The following TMTC3 variants were observed in gnomAD, a reference collection of about 807,000 sequenced individuals.
The protein encoded by TMTC3 is transmembrane O-mannosyltransferase targeting cadherins 3.
TMTC3 carries 52 observed loss-of-function variants against 92.2 expected under a neutral mutation model. The observed-to-expected ratio is 0.56, with a 90% CI of 0.45 to 0.71. The LOEUF (loss-of-function observed/expected upper bound fraction) is 0.71. Ranked by LOEUF, TMTC3 falls within the 30% of genes least tolerant of loss-of-function variation. TMTC3 has a pLI of 0.00. For missense variants in TMTC3, 896 were observed against 1,057.1 expected, an observed-to-expected ratio of 0.85 and a Z score of 2.11; for synonymous variants, 339 against 363.3, an observed-to-expected ratio of 0.93 and a Z score of 0.76.
In TMTC3 at chr12:88,174,692, G is replaced by T; in HGVS notation, c.1285G>T (p.Glu429Ter). 6.2e-7 allele frequency: 1 copy of T among 1,612,540 alleles called. No individual in the cohort carries two copies. Among genetic ancestry groups the T allele is most frequent in the Non-Finnish European group, 8.5e-7 (1 of 1,179,036 alleles). ...AACATTCCACAGAAATTGGGATTGG[G>T]AGTCTGAATATACATTGTTTATGTC... ...LKTFHRNWDW[E>*]SEYTLFMSAL... Residue 429 changes from glutamate to a stop codon, truncating the protein, a stop_gained, in exon 9 of 14, where the codon GAG (glutamate) becomes TAG (stop). Coordinates refer to ENST00000266712, the MANE Select transcript of TMTC3 (RefSeq NM_181783.4). LOFTEE classifies it high-confidence loss of function.
intron 13 of TMTC3, 45 bp from the exon 14 acceptor site, chr12:88,194,789 TTTAA>T (rs1340199900): frequency 8.2e-7 from 1 of 1,218,868 alleles, no homozygotes; most frequent in East Asian, 2.7e-5. Context: ...GTTCCTCACA[TTTAA>T]TTATTTTATT....
Position 88,194,822 on chromosome 12 carries a change from TA to T in TMTC3, c.1934-9del, listed in dbSNP as rs753000970. On this transcript the variant is annotated splice_polypyrimidine_tract_variant and intron_variant, in intron 13 of 13. Transcript: ENST00000266712. The stretch of plus-strand genomic sequence containing the variant: ...TTTTATTAACAATATATTTTTTCTT[TA>T]AAAAAACTTTCTAGGTGAGGTTAAA... 1.0e-5 allele frequency: 15 copies of T among 1,481,872 alleles called. No individual in the cohort carries two copies. The highest frequency in any genetic ancestry group is 1.3e-5 in the Non-Finnish European group (15 of 1,115,202). The allele number at this position is 1,481,872 out of a possible 1,614,324, so 91.8% of individuals were successfully genotyped here. A position where few individuals can be genotyped will look rare whatever the true frequency, so the allele number is the denominator to read the frequency against.
intron 10 of TMTC3, among the ~76,000 whole-genome samples, chr12:88,180,509 G>C (rs1048626703): frequency 3.9e-5 from 6 of 152,244 alleles, no homozygotes; most frequent in Admixed American, 6.5e-5. Context: ...ATGTACAACA[G>C]AAAGCATAGT....
At chr12:88,143,889 T>C (rs749338228) in intron 1 of TMTC3, among the ~76,000 whole-genome samples, 17 of 152,170 alleles carry the variant, frequency 1.1e-4, no homozygotes, top group Non-Finnish European at 2.4e-4. Flanking sequence ...ATGAGTTTTC[T>C]GGGAAGAGGG....
At chr12:88,164,961 TAG>T (rs2041127556) in intron 6 of TMTC3, among the ~76,000 whole-genome samples, 1 of 152,158 alleles carries the variant, frequency 6.6e-6, no homozygotes, top group African/African-American at 2.4e-5. Context: ...GTATTGGAAA[TAG>T]AGAAGATTGA....
rs577302897 is a variant in TMTC3, at chr12:88,146,652, A to G, written c.-28-1636A>G. ...ATATATATGTATATATATGTAAAAT[A>G]AAGATATATTGAAGAATTGAATTAT... On this transcript the variant is annotated intron_variant, in intron 1 of 13. Transcript: ENST00000266712. Among the ~76,000 whole-genome samples the G allele has an allele frequency of 2.8e-3, 424 of 149,812 alleles. 2 individuals are homozygous for G. Among genetic ancestry groups the G allele is most frequent in the Non-Finnish European group, 4.7e-3 (319 of 67,484 alleles).
At chr12:88,148,756 T>C (rs2040906326) in intron 2 of TMTC3, among the ~76,000 whole-genome samples, 2 of 152,050 alleles carry the variant, frequency 1.3e-5, no homozygotes, top group South Asian at 4.1e-4. Flanking sequence ...TAACTTTTAT[T>C]TTAGATACAG....
intron 10 of TMTC3, among the ~76,000 whole-genome samples, chr12:88,177,394 A>G (rs1042092672): frequency 6.6e-5 from 10 of 152,196 alleles, no homozygotes; most frequent in Admixed American, 4.6e-4. Flanking sequence ...TGGCATAGAC[A>G]TGGAAAATTC....
Position 88,199,603 on chromosome 12 carries a change from C to T in TMTC3, c.*3954C>T, listed in dbSNP as rs1213791334. The T allele has an allele frequency of 1.3e-5, 2 of 152,052 alleles. No homozygotes were observed. The highest frequency in any genetic ancestry group is 1.3e-4 in the Admixed American group (2 of 15,258). The allele number at this position is 152,052 out of a possible 1,614,324, so 9.4% of individuals were successfully genotyped here. ...CCTTTGCTATCTATGCTAACAAGTACATAGATAGCCTAAGATAAATTATAC... is the reference window on the plus strand; with the variant it reads ...CCTTTGCTATCTATGCTAACAAGTATATAGATAGCCTAAGATAAATTATAC... On this transcript the variant is annotated 3_prime_UTR_variant, in exon 14 of 14. Coordinates refer to ENST00000266712, the MANE Select transcript of TMTC3 (RefSeq NM_181783.4).
intron 10 of TMTC3, among the ~76,000 whole-genome samples, chr12:88,180,819 C>T (rs1176475634): frequency 6.6e-6 from 1 of 152,172 alleles, no homozygotes; most frequent in African/African-American, 2.4e-5. Context: ...TGGACCACAC[C>T]ATACATTACT....
chr12:88,166,799 A>G (rs904843161), intron 7 of TMTC3, among the ~76,000 whole-genome samples: 3 of 152,202 alleles, frequency 2.0e-5, no homozygotes, highest in Non-Finnish European at 4.4e-5. Context: ...TGTTACCTTT[A>G]TCCAACTAGA....
chr12:88,176,735 A>T (rs1445181732), intron 10 of TMTC3, among the ~76,000 whole-genome samples: 2 of 152,174 alleles, frequency 1.3e-5, no homozygotes, highest in East Asian at 3.9e-4. Context: ...TGATCACATG[A>T]TTATACCACT....
At chr12:88,165,104 T>TTA (rs1309278085) in intron 6 of TMTC3, among the ~76,000 whole-genome samples, 1 of 152,254 alleles carries the variant, frequency 6.6e-6, no homozygotes, top group East Asian at 1.9e-4. Flanking sequence ...AGGTGTGAAT[T>TTA]TATGTATGTG....
Position 88,196,872 on chromosome 12 carries a change from A to G in TMTC3, c.*1223A>G, listed in dbSNP as rs2041519623. The G allele has an allele frequency of 6.6e-6, 1 of 151,844 alleles. No homozygotes were observed. Among genetic ancestry groups the G allele is most frequent in the Non-Finnish European group, 1.5e-5 (1 of 67,786 alleles). 9.4% of individuals were successfully genotyped at this position (151,844 alleles called of 1,614,324 possible). A position where few individuals can be genotyped will look rare whatever the true frequency, so the allele number is the denominator to read the frequency against. ...TAAAAGATAATTAGCCTACTATAGT[A>G]TTAATAAATTTTTCAGTTGGTTTGG... On this transcript the variant is annotated 3_prime_UTR_variant, in exon 14 of 14. Transcript: ENST00000266712.
Position 88,160,675 on chromosome 12 carries a change from T to A in TMTC3, c.625-4T>A. The A allele has an allele frequency of 6.2e-7, 1 of 1,611,558 alleles. No homozygotes were observed. The highest frequency in any genetic ancestry group is 8.5e-7 in the Non-Finnish European group (1 of 1,179,172). On this transcript the variant is annotated splice_polypyrimidine_tract_variant and splice_region_variant and intron_variant, in intron 5 of 13. Coordinates refer to ENST00000266712, the MANE Select transcript of TMTC3 (RefSeq NM_181783.4). ...TTGCTTAAAACATTTCTTTTCTTTT[T>A]CAGTATACTTTGCCATTACTATGTA...
Position 88,148,274 on chromosome 12 carries a change from GA to G in TMTC3, c.-28-13del, listed in dbSNP as rs748671513. On this transcript the variant is annotated splice_polypyrimidine_tract_variant and intron_variant, in intron 1 of 13. Transcript: ENST00000266712. ...AATATGTTCCTTATTTTATCTTCAT[GA>G]TTTTTTTTCCAGTTTTTGTCCAGAA... 4.7e-6 allele frequency: 7 copies of G among 1,502,142 alleles called. No homozygotes were observed. In the Admixed American group the frequency reaches 1.2e-4, roughly 25 times the overall value. 93.1% of individuals were successfully genotyped at this position (1,502,142 alleles called of 1,614,324 possible).
chr12:88,150,587 AAC>A (rs2040930900), intron 2 of TMTC3, among the ~76,000 whole-genome samples: 1 of 152,160 alleles, frequency 6.6e-6, no homozygotes, highest in Non-Finnish European at 1.5e-5. Context: ...AAACTAGAAT[AAC>A]AGTTTATTAA....
Position 88,172,586 on chromosome 12 carries a change from T to TG in TMTC3, c.1051-11_1051-10insG, listed in dbSNP as rs1198412183. ...ATTATAAATTATTAAATCTTCTTTT[T>TG]TTTTTTGTAGGCGCTTTGTTTAATG... On this transcript the variant is annotated splice_polypyrimidine_tract_variant and intron_variant, in intron 7 of 13. Transcript: ENST00000266712. 3.0e-6 allele frequency: 4 copies of TG among 1,345,636 alleles called. No homozygotes were observed. In the East Asian group the frequency reaches 1.1e-4, roughly 37 times the overall value. The allele number at this position is 1,345,636 out of a possible 1,614,324, so 83.4% of individuals were successfully genotyped here.
At chr12:88,167,537 T>C (rs1162808392) in intron 7 of TMTC3, among the ~76,000 whole-genome samples, 1 of 152,240 alleles carries the variant, frequency 6.6e-6, no homozygotes, top group Non-Finnish European at 1.5e-5. Context: ...GATTGATTTA[T>C]TCATTCAATA....
Sources: allele counts gnomAD v4.1 joint callset (sites outside exome capture counted in the v4.1 genomes callset), GRCh38; gene constraint gnomAD v4.1.1; transcripts MANE v1.5; gene names NCBI Gene and HGNC (gene_info 2026-07-23, HGNC 2026-07-21).